The following CORIN variants were observed in gnomAD, a reference collection of about 807,000 sequenced individuals.
CORIN encodes the protein corin, serine peptidase, also known as atrial natriuretic peptide-converting enzyme.
CORIN carries 117 observed loss-of-function variants against 125.3 expected under a neutral mutation model. The ratio of observed to expected loss-of-function variants is 0.93; its 90% CI spans 0.80 to 1.09. The LOEUF is 1.09. CORIN is among the 50% of genes least tolerant of loss of function. The probability of loss-of-function intolerance (pLI) is 0.00; values close to 1 mark genes in which losing one functional copy is unlikely to be tolerated. For synonymous variants in CORIN, 450 were observed against 466.4 expected (o/e 0.96, Z 0.45); for missense variants, 1,253 against 1,306.7 (o/e 0.96, Z 0.63).
chr4:47,744,321 C>A, intron 5 of CORIN, 81 bp downstream of exon 5: 1 of 1,288,260 alleles, frequency 7.8e-7, no homozygotes. Context: ...AGACTGTACA[C>A]TTATTATTTA....
chr4:47,630,254 GA>G (rs1722756392), intron 16 of CORIN, among the ~76,000 whole-genome samples: 1 of 152,134 alleles, frequency 6.6e-6, no homozygotes, highest in South Asian at 2.1e-4. Flanking sequence ...CCATTTCAAA[GA>G]ATAATAGTAA....
intron 20 of CORIN, among the ~76,000 whole-genome samples, chr4:47,601,701 T>C (rs886710792): frequency 1.3e-5 from 2 of 152,102 alleles, no homozygotes; most frequent in African/African-American, 4.8e-5. Flanking sequence ...AATTACAGAA[T>C]TAATCATAGC....
intron 14 of CORIN, 44 bp downstream of exon 14, chr4:47,645,037 T>C: frequency 1.8e-6 from 2 of 1,141,710 alleles, no homozygotes; most frequent in Non-Finnish European, 2.6e-6. Context: ...TAACTGGTGT[T>C]TAAAATAAAA....
intron 20 of CORIN, 124 bp from the exon 21 acceptor site, chr4:47,600,471 T>C: frequency 1.6e-6 from 1 of 642,056 alleles, no homozygotes; most frequent in East Asian, 3.0e-5. Context: ...GAGAGGCATA[T>C]TCTTTACTTG....
At chr4:47,689,017 A>C (rs1262989745) in intron 6 of CORIN, among the ~76,000 whole-genome samples, 1 of 152,188 alleles carries the variant, frequency 6.6e-6, no homozygotes, top group African/African-American at 2.4e-5. Flanking sequence ...CCATTCTAAA[A>C]TAGCTTCACG....
intron 3 of CORIN, among the ~76,000 whole-genome samples, 189 bp downstream of exon 3, chr4:47,786,536 C>A (rs148586627): frequency 6.6e-6 from 1 of 152,088 alleles, no homozygotes; most frequent in Non-Finnish European, 1.5e-5. Context: ...AGCAAAACTC[C>A]GCCTGAAAAA....
At chr4:47,766,462 C>T (rs567991529) in intron 3 of CORIN, among the ~76,000 whole-genome samples, 6 of 152,090 alleles carry the variant, frequency 3.9e-5, no homozygotes, top group Non-Finnish European at 8.8e-5. Flanking sequence ...CACATATATC[C>T]CATTATCCAG....
chr4:47,764,860 T>C (rs962888232), intron 3 of CORIN, among the ~76,000 whole-genome samples: 1 of 152,232 alleles, frequency 6.6e-6, no homozygotes, highest in African/African-American at 2.4e-5. Flanking sequence ...TTATCAGTTT[T>C]AATTACATTA....
intron 10 of CORIN, among the ~76,000 whole-genome samples, chr4:47,665,900 C>T (rs1436550708): frequency 1.3e-5 from 2 of 152,172 alleles, no homozygotes; most frequent in Non-Finnish European, 2.9e-5. Flanking sequence ...TCAACAGTAT[C>T]TCTGCTGTAA....
chr4:47,632,841 G>A (rs908907275), intron 16 of CORIN, among the ~76,000 whole-genome samples: 7 of 151,640 alleles, frequency 4.6e-5, no homozygotes, highest in Admixed American at 2.0e-4. Flanking sequence ...GTGCAGTGGC[G>A]TGATCTCAGC....
At chr4:47,672,465 C>A (rs1039262325) in intron 10 of CORIN, among the ~76,000 whole-genome samples, 1 of 152,146 alleles carries the variant, frequency 6.6e-6, no homozygotes, top group Middle Eastern at 3.4e-3. Flanking sequence ...GTCAAACAAC[C>A]CCCAAAACTT....
intron 1 of CORIN, among the ~76,000 whole-genome samples, chr4:47,832,029 C>A (rs1324707767): frequency 1.3e-5 from 2 of 152,146 alleles, no homozygotes; most frequent in Admixed American, 1.3e-4. Flanking sequence ...GTGGATCTTT[C>A]CCCCAAACAT....
At chr4:47,776,714 C>G (rs969307469) in intron 3 of CORIN, among the ~76,000 whole-genome samples, 1 of 152,152 alleles carries the variant, frequency 6.6e-6, no homozygotes, top group African/African-American at 2.4e-5. Flanking sequence ...CTCCCACTTC[C>G]TGAGGTGATA....
At chr4:47,727,489 A>G (rs951125240) in intron 5 of CORIN, among the ~76,000 whole-genome samples, 1 of 152,156 alleles carries the variant, frequency 6.6e-6, no homozygotes, top group Non-Finnish European at 1.5e-5. Flanking sequence ...TTGATAAATT[A>G]ATCAGAAAAT....
chr4:47,662,922 T>C (rs1724315641), intron 11 of CORIN, among the ~76,000 whole-genome samples: 1 of 152,198 alleles, frequency 6.6e-6, no homozygotes, highest in Admixed American at 6.5e-5. Flanking sequence ...GTGGTAAAGA[T>C]AAAGCCATGG....
chr4:47,738,129 C>G (rs1728214859), intron 5 of CORIN, among the ~76,000 whole-genome samples: 1 of 152,074 alleles, frequency 6.6e-6, no homozygotes, highest in African/African-American at 2.4e-5. Context: ...TTGAAAAGCT[C>G]TAATACATTG....
At chr4:47,754,311 T>C (rs1263664405) in intron 4 of CORIN, among the ~76,000 whole-genome samples, 1 of 152,142 alleles carries the variant, frequency 6.6e-6, no homozygotes, top group African/African-American at 2.4e-5. Flanking sequence ...AAGGGAACTT[T>C]GCTACAACCA....
intron 5 of CORIN, among the ~76,000 whole-genome samples, chr4:47,719,858 T>A (rs1727269376): frequency 6.6e-6 from 1 of 152,230 alleles, no homozygotes; most frequent in Non-Finnish European, 1.5e-5. Context: ...GAAAACATTT[T>A]CAGAAAATTT....
rs911938424 is a variant in CORIN, at chr4:47,661,929, T to C, written c.1590-73A>G. The C allele has an allele frequency of 2.8e-6, 4 of 1,424,314 alleles. No individual in the cohort carries two copies. The African/African-American group carries it at 5.7e-5, about 20-fold the overall frequency. The allele number at this position is 1,424,314 out of a possible 1,614,324, so 88.2% of individuals were successfully genotyped here. ...CTGAGACAGATGTCATAAATTTATGTCAAGTTTTAATTCTGTGTATGTGGC... is the reference window on the plus strand; with the variant it reads ...CTGAGACAGATGTCATAAATTTATGCCAAGTTTTAATTCTGTGTATGTGGC... On this transcript the variant is annotated intron_variant, in intron 11 of 21. Transcript: ENST00000273857.
Sources: gnomAD v4.1 joint callset for allele counts (sites outside exome capture counted in the v4.1 genomes callset) on GRCh38, gnomAD v4.1.1 for gene constraint, MANE v1.5 for transcripts, NCBI Gene and HGNC (gene_info 2026-07-23, HGNC 2026-07-21) for gene names.